The following NACC2 variants were observed in gnomAD, a reference collection of about 807,000 sequenced individuals.
NACC2 encodes nucleus accumbens-associated protein 2.
A neutral mutation model predicts 25.1 loss-of-function variants in NACC2; 8 were observed. That is an observed-to-expected ratio of 0.32 (90% CI 0.19 to 0.57). NACC2 has a LOEUF of 0.57. NACC2 is among the 20% of genes least tolerant of loss of function. The pLI is 0.89. For synonymous variants in NACC2, 435 were observed against 294.7 expected (o/e 1.48, Z -4.88); for missense variants, 644 against 650.2 (o/e 0.99, Z 0.10).
chr9:136,094,407 CCCCACACGAT>C (rs1028361389), intron 1 of NACC2, among the ~76,000 whole-genome samples: 2 of 152,198 alleles, frequency 1.3e-5, no homozygotes, highest in Admixed American at 6.5e-5. Context: ...TGACCTCCGA[CCCCACACGAT>C]CCCAGCAAGA....
chr9:136,091,829 G>GCTT (rs1272610470), intron 1 of NACC2, among the ~76,000 whole-genome samples: 1 of 138,636 alleles, frequency 7.2e-6, no homozygotes, highest in Non-Finnish European at 1.6e-5. Flanking sequence ...GCAAGGATTT[G>GCTT]CTTAAAAAAA....
In NACC2 at chr9:136,020,591, T is replaced by C. The variant is rs1025119459; in HGVS notation, c.887-4162A>G. ...GCCTACTCCCTAAAAGTGTATACCA[T>C]TTGTTAAAATGCACCACAAGAAAAT... On this transcript the variant is annotated intron_variant, in intron 2 of 5. Coordinates refer to ENST00000277554, the MANE Select transcript of NACC2 (RefSeq NM_144653.5). The surrounding 1 kb of genome is among the most constrained non-coding windows in gnomAD (Gnocchi z 4.7). Among the ~76,000 whole-genome samples the C allele has an allele frequency of 2.0e-5, 3 of 152,206 alleles. No homozygotes were observed. The highest frequency in any genetic ancestry group is 4.4e-5 in the Non-Finnish European group (3 of 68,044).
chr9:136,011,696 G>A lies in NACC2; in HGVS notation c.1584C>T (p.Ala528=), dbSNP rs555391004. The change falls in exon 6 of 6, where the codon GCC becomes GCT. Residue 528 remains alanine, a synonymous_variant. Transcript: ENST00000277554. ...AGCCAGCCCCGTCCACCTCCTCGCC[G>A]GCGTCGAAGGCGGGGTTGGCGGCGG... The part of the protein sequence containing the change: ...LSAAANPAFD[A]GEEVDGAGSV... 1.0e-5 allele frequency: 15 copies of A among 1,484,818 alleles called. No homozygotes were observed. Among genetic ancestry groups the A allele is most frequent in the Middle Eastern group, 1.8e-4 (1 of 5,588 alleles). The allele number at this position is 1,484,818 out of a possible 1,614,324, so 92.0% of individuals were successfully genotyped here. A position where few individuals can be genotyped will look rare whatever the true frequency, so the allele number is the denominator to read the frequency against.
intron 1 of NACC2, among the ~76,000 whole-genome samples, chr9:136,075,497 A>G (rs77393854): frequency 6.6e-6 from 1 of 152,258 alleles, no homozygotes; most frequent in Non-Finnish European, 1.5e-5. Context: ...CGTCTCCTAC[A>G]TCGCGGTACA....
intron 2 of NACC2, among the ~76,000 whole-genome samples, chr9:136,035,306 A>G (rs1187081846): frequency 1.3e-5 from 2 of 152,124 alleles, no homozygotes; most frequent in African/African-American, 4.8e-5. Context: ...ATATTGAGCC[A>G]AAGTGGTGTC....
intron 2 of NACC2, among the ~76,000 whole-genome samples, chr9:136,038,012 C>G (rs966482354): frequency 1.3e-5 from 2 of 152,078 alleles, no homozygotes; most frequent in African/African-American, 4.8e-5. Context: ...ACTTACTCAG[C>G]AACAAAAAAG....
chr9:136,052,368 A>G (rs1321405718), intron 1 of NACC2, among the ~76,000 whole-genome samples: 6 of 150,928 alleles, frequency 4.0e-5, no homozygotes, highest in Admixed American at 4.0e-4. Flanking sequence ...CATTTAAACT[A>G]TTCCAAACAG....
intron 2 of NACC2, among the ~76,000 whole-genome samples, chr9:136,017,459 C>G (rs955822784): frequency 1.3e-5 from 2 of 152,136 alleles, no homozygotes; most frequent in African/African-American, 4.8e-5. Context: ...GGAAACACAG[C>G]CCTGGCCCCA....
At chr9:136,033,666 AAAG>A (rs1177493119) in intron 2 of NACC2, among the ~76,000 whole-genome samples, 71 of 151,530 alleles carry the variant, frequency 4.7e-4, no homozygotes, top group African/African-American at 1.6e-3. Context: ...AAAAAAAAAA[AAAG>A]AACTTCTAGG....
chr9:136,063,566 G>A (rs565294401), intron 1 of NACC2, among the ~76,000 whole-genome samples: 2 of 152,316 alleles, frequency 1.3e-5, no homozygotes, highest in Admixed American at 6.5e-5. Context: ...ACCTGGGAAG[G>A]GTATGCACAA....
rs1840145716 is a variant in NACC2, at chr9:136,013,476, C to T, written c.1158-180G>A. On this transcript the variant is annotated intron_variant, in intron 4 of 5. Transcript: ENST00000277554. This position sits in a 1 kb window ranked among gnomAD's most constrained non-coding sequence, Gnocchi z 6.6. ...TCTAAGGGACAGGACAAAGGAAAAG[C>T]GTCTGGGCTGAGAAGATGACCGGGT... Among the ~76,000 whole-genome samples, 1 of 152,314 alleles carries T rather than the reference C, an allele frequency of 6.6e-6. No homozygotes were observed. Among genetic ancestry groups the T allele is most frequent in the African/African-American group, 2.4e-5 (1 of 41,566 alleles).
intron 1 of NACC2, among the ~76,000 whole-genome samples, chr9:136,082,633 G>A (rs530200688): frequency 9.3e-5 from 14 of 150,560 alleles, no homozygotes; most frequent in Admixed American, 2.7e-4. Flanking sequence ...CCCTCCACCC[G>A]CCAGGCCCGC....
At chr9:136,024,503 ATGTGTGTGTG>A (rs139555936) in intron 2 of NACC2, among the ~76,000 whole-genome samples, 1,700 of 124,752 alleles carry the variant, frequency 0.014, 41 homozygotes, top group African/African-American at 0.04. Context: ...TGAGGACAGA[ATGTGTGTGTG>A]TGTGTGTGTG....
chr9:136,065,773 C>A (rs1381924260), intron 1 of NACC2, among the ~76,000 whole-genome samples: 1 of 151,744 alleles, frequency 6.6e-6, no homozygotes, highest in Non-Finnish European at 1.5e-5. Flanking sequence ...CGTGATCACG[C>A]CACTGTCCTC....
At chr9:136,012,184 G>T (rs1192687968) in intron 5 of NACC2, among the ~76,000 whole-genome samples, 160 bp from the exon 6 acceptor site, 1 of 152,216 alleles carries the variant, frequency 6.6e-6, no homozygotes, top group Non-Finnish European at 1.5e-5. Context: ...GAAGACCAGA[G>T]GTCACGTTTC....
intron 2 of NACC2, among the ~76,000 whole-genome samples, chr9:136,036,988 G>A (rs1840563340): frequency 6.6e-6 from 1 of 152,152 alleles, no homozygotes; most frequent in African/African-American, 2.4e-5. Context: ...AGCCTAAGAA[G>A]AAGACACAAT....
rs1449469442 is a variant in NACC2, at chr9:136,055,186, G to A, written c.-59-4606C>T. ...TACCCAGCAACCTGCCGATGGGTGA[G>A]AGGAGCCCGCGGGGAGGACAGGGGC... On this transcript the variant is annotated intron_variant, in intron 1 of 5. Coordinates refer to ENST00000277554, the MANE Select transcript of NACC2 (RefSeq NM_144653.5). The surrounding 1 kb of genome is among the most constrained non-coding windows in gnomAD (Gnocchi z 4.9). Among the ~76,000 whole-genome samples, 6 of 152,188 alleles carry A rather than the reference G, an allele frequency of 3.9e-5. No homozygotes were observed. Among genetic ancestry groups the A allele is most frequent in the African/African-American group, 1.4e-4 (6 of 41,442 alleles).
At chr9:136,063,849 AC>A (rs1384841224) in intron 1 of NACC2, among the ~76,000 whole-genome samples, 2 of 147,454 alleles carry the variant, frequency 1.4e-5, no homozygotes, top group Non-Finnish European at 3.0e-5. Context: ...TACCACCTGC[AC>A]CCCAGCCTGG....
At chr9:136,073,438 T>A (rs10858220) in intron 1 of NACC2, among the ~76,000 whole-genome samples, 73,947 of 127,830 alleles carry the variant, frequency 0.58, 18,315 homozygotes, top group Middle Eastern at 0.72. Flanking sequence ...AAAAAAAAAA[T>A]TTTTAATAAA....
Sources: gnomAD v4.1 joint callset for allele counts (sites outside exome capture counted in the v4.1 genomes callset) on GRCh38, gnomAD v4.1.1 for gene constraint, Gnocchi (gnomAD v3.1) non-coding constraint, MANE v1.5 for transcripts, NCBI Gene and HGNC (gene_info 2026-07-23, HGNC 2026-07-21) for gene names.